The following DENND5B variants were observed in gnomAD, a reference collection of about 807,000 sequenced individuals.
The protein encoded by DENND5B is DENN domain containing 5B.
Under a neutral mutation model 140.6 loss-of-function variants are expected in DENND5B, and 34 were observed. The observed-to-expected ratio is 0.24, with a 90% confidence interval of 0.18 to 0.32. The LOEUF is 0.32. Ranked by LOEUF, DENND5B falls within the 10% of genes least tolerant of loss-of-function variation. The pLI is 1.00. For missense variants in DENND5B, 1,142 were observed against 1,560.2 expected, an observed-to-expected ratio of 0.73 and a Z score of 4.52; for synonymous variants, 551 against 562.1, an observed-to-expected ratio of 0.98 and a Z score of 0.28.
intron 11 of DENND5B, among the ~76,000 whole-genome samples, chr12:31,421,264 C>G (rs562326627): frequency 6.6e-6 from 1 of 151,828 alleles, no homozygotes; most frequent in East Asian, 2.0e-4. Flanking sequence ...AGGCTGGTCT[C>G]CAACTCTTGA....
At chr12:31,557,103 T>C (rs1335977663) in intron 1 of DENND5B, among the ~76,000 whole-genome samples, 3 of 152,202 alleles carry the variant, frequency 2.0e-5, no homozygotes, top group African/African-American at 4.8e-5. Flanking sequence ...CAATATATCA[T>C]TGGGTTTAAA....
At chr12:31,524,827 T>C (rs1190425465) in intron 1 of DENND5B, among the ~76,000 whole-genome samples, 1 of 152,188 alleles carries the variant, frequency 6.6e-6, no homozygotes, top group Non-Finnish European at 1.5e-5. Context: ...TTAACTCCTA[T>C]CATCTGAGAG....
At chr12:31,398,617 T>C (rs919536705) in intron 16 of DENND5B, among the ~76,000 whole-genome samples, 33 of 152,206 alleles carry the variant, frequency 2.2e-4, no homozygotes, top group African/African-American at 7.2e-4. Flanking sequence ...ATTTTCAAAC[T>C]AGAAATTAAT....
Position 31,449,734 on chromosome 12 carries a change from T to TTTTTGTTG in DENND5B, c.1630-1966_1630-1965insCAACAAAA, listed in dbSNP as rs201973031. 2.6e-3 allele frequency among the ~76,000 whole-genome samples: 244 copies of TTTTTGTTG among 92,844 alleles called. 2 individuals carry two copies. Among genetic ancestry groups the TTTTTGTTG allele is most frequent in the Admixed American group, 6.5e-3 (42 of 6,422 alleles). The allele number at this position is 92,844 out of a possible 152,430, so 60.9% of individuals were successfully genotyped here. On this transcript the variant is annotated intron_variant, in intron 5 of 20. Coordinates refer to ENST00000389082, the MANE Select transcript of DENND5B (RefSeq NM_144973.4). Reference sequence around the variant, plus strand: ...AACCATGGATATACACAGATTAGTTTTTTTTTTTTTTTTTTGAGACAGAGT... The same window carrying TTTTTGTTG: ...AACCATGGATATACACAGATTAGTTTTTTTGTTGTTTTTTTTTTTTTTTGAGACAGAGT...
At chr12:31,436,331 C>T (rs1020376950) in intron 7 of DENND5B, among the ~76,000 whole-genome samples, 1 of 151,024 alleles carries the variant, frequency 6.6e-6, no homozygotes, top group Admixed American at 6.6e-5. Flanking sequence ...GAACTCCTGA[C>T]CTCAAGTGAT....
chr12:31,494,215 CCTACCT>C (rs751358175), intron 2 of DENND5B, among the ~76,000 whole-genome samples: 4,645 of 87,954 alleles, frequency 0.053, 306 homozygotes, highest in African/African-American at 0.1. Context: ...TACCTACCTA[CCTACCT>C]CTACCTACCT....
At chr12:31,478,578 A>G (rs1043388764) in intron 3 of DENND5B, among the ~76,000 whole-genome samples, 1 of 152,096 alleles carries the variant, frequency 6.6e-6, no homozygotes, top group Non-Finnish European at 1.5e-5. Context: ...GCACATTCCT[A>G]TAGTACCAGC....
At chr12:31,465,162 G>A (rs914459618) in intron 3 of DENND5B, 1 of 152,270 alleles carries the variant, frequency 6.6e-6, no homozygotes, top group Non-Finnish European at 1.5e-5. Flanking sequence ...AGCCCCTCAA[G>A]GGCAACAGAG....
chr12:31,426,434 C>T lies in DENND5B; in HGVS notation c.2107-10G>A, dbSNP rs1326661756. On this transcript the variant is annotated splice_polypyrimidine_tract_variant and intron_variant, in intron 8 of 20. Transcript: ENST00000389082. ...CCTCTTGCATATATTTCTAAAAAAT[C>T]AAGGAGTATTTTTAATGCGTAAACA... is the stretch of plus-strand genomic sequence containing the variant. 6 of 1,605,994 alleles carry T rather than the reference C, an allele frequency of 3.7e-6. No individual in the cohort carries two copies. The highest frequency in any genetic ancestry group is 2.2e-5 in the East Asian group (1 of 44,792).
chr12:31,443,044 TTGTGTGTG>T, intron 6 of DENND5B, 119 bp from the exon 7 acceptor site: 1 of 506,158 alleles, frequency 2.0e-6, no homozygotes, highest in South Asian at 3.2e-5. Context: ...GAAACAGATA[TTGTGTGTG>T]TGTGTGTGTG....
rs184911419 is a variant in DENND5B at position 31,562,972 on chromosome 12, C to T, written c.127+27734G>A. ...ATTCTAAATACTTACGTAGATAAGGCTTCCTCTGCCCCTAAGCAAACTTTC... is the reference window on the plus strand; with the variant it reads ...ATTCTAAATACTTACGTAGATAAGGTTTCCTCTGCCCCTAAGCAAACTTTC... On this transcript the variant is annotated intron_variant, in intron 1 of 20. Coordinates refer to ENST00000389082, the MANE Select transcript of DENND5B (RefSeq NM_144973.4). 6.9e-4 allele frequency among the ~76,000 whole-genome samples: 104 copies of T among 150,722 alleles called. 1 individual carries two copies. Among genetic ancestry groups the T allele is most frequent in the South Asian group, 1.3e-3 (6 of 4,788 alleles).
intron 2 of DENND5B, among the ~76,000 whole-genome samples, chr12:31,490,783 C>G (rs1043317227): frequency 5.9e-5 from 9 of 152,142 alleles, no homozygotes; most frequent in African/African-American, 1.9e-4. Flanking sequence ...TTTACTCTTA[C>G]AAGATAAGCA....
chr12:31,528,999 A>G (rs891747086), intron 1 of DENND5B, among the ~76,000 whole-genome samples: 14 of 151,754 alleles, frequency 9.2e-5, no homozygotes, highest in Admixed American at 9.2e-4. Flanking sequence ...CGTCTCTACT[A>G]AAAAACACAA....
chr12:31,392,237 C>T (rs772219745), intron 19 of DENND5B, 30 bp downstream of exon 19: 26 of 1,612,254 alleles, frequency 1.6e-5, no homozygotes, highest in Non-Finnish European at 2.1e-5. Flanking sequence ...CTTCAGTGAC[C>T]TTAATGTAAT....
intron 5 of DENND5B, among the ~76,000 whole-genome samples, chr12:31,448,387 G>T (rs192777325): frequency 6.6e-6 from 1 of 151,762 alleles, no homozygotes; most frequent in Non-Finnish European, 1.5e-5. Flanking sequence ...CGCCCGCCTC[G>T]GCCTCCCAAA....
At chr12:31,451,701 A>G in intron 5 of DENND5B, 1 of 477,872 alleles carries the variant, frequency 2.1e-6, no homozygotes, top group Non-Finnish European at 3.7e-6. Context: ...GCACAATTTA[A>G]TGACCAGTTC....
intron 17 of DENND5B, among the ~76,000 whole-genome samples, chr12:31,395,917 A>G (rs1449882757): frequency 2.7e-5 from 4 of 146,064 alleles, no homozygotes; most frequent in Non-Finnish European, 4.5e-5. Flanking sequence ...GCAGGCCAGA[A>G]GTCAAAATTT....
At chr12:31,442,999 T>C (rs577026817) in intron 6 of DENND5B, 74 bp from the exon 7 acceptor site, 1 of 1,383,316 alleles carries the variant, frequency 7.2e-7, no homozygotes, top group South Asian at 1.4e-5. Flanking sequence ...CCTCCACTCA[T>C]GCACCTACAG....
At chr12:31,490,582 GT>G in intron 2 of DENND5B, among the ~76,000 whole-genome samples, 1 of 151,270 alleles carries the variant, frequency 6.6e-6, no homozygotes, top group Non-Finnish European at 1.5e-5. Flanking sequence ...GTGCACTCCA[GT>G]CTGGATGACA....
Sources: allele counts gnomAD v4.1 joint callset (sites outside exome capture counted in the v4.1 genomes callset), GRCh38; gene constraint gnomAD v4.1.1; transcripts MANE v1.5; gene names NCBI Gene and HGNC (gene_info 2026-07-23, HGNC 2026-07-21).